COL27A1: variants seen among roughly 807,000 people sequenced by gnomAD.
COL27A1 encodes the protein collagen type XXVII alpha 1 chain, also known as collagen alpha-1(XXVII) chain.
COL27A1 carries 106 observed loss-of-function variants against 251.3 expected under a neutral mutation model. The ratio of observed to expected loss-of-function variants is 0.42; its 90% CI spans 0.36 to 0.50. COL27A1 has a LOEUF of 0.50. COL27A1 is among the 20% of genes least tolerant of loss of function. The pLI is 0.00. For missense variants in COL27A1, 2,325 were observed against 2,522.8 expected (o/e 0.92, Z 1.68); for synonymous variants, 1,000 against 986.3 (o/e 1.01, Z -0.26).
At chr9:114,255,790 A>C (rs974071689) in intron 27 of COL27A1, among the ~76,000 whole-genome samples, 1 of 152,188 alleles carries the variant, frequency 6.6e-6, no homozygotes, top group African/African-American at 2.4e-5. Flanking sequence ...ACACTGGGGA[A>C]GCCGGCTAGC....
At chr9:114,269,535 G>C (rs886781883) in intron 35 of COL27A1, among the ~76,000 whole-genome samples, 1 of 145,878 alleles carries the variant, frequency 6.9e-6, no homozygotes, top group African/African-American at 2.6e-5. Flanking sequence ...GAATCGCTTG[G>C]ACCCAGGAGT....
At chr9:114,219,419 C>T (rs1830930847) in intron 12 of COL27A1, among the ~76,000 whole-genome samples, 1 of 152,196 alleles carries the variant, frequency 6.6e-6, no homozygotes, top group Non-Finnish European at 1.5e-5. Context: ...GAGGCCTTCT[C>T]CTCCTTGACC....
intron 24 of COL27A1, among the ~76,000 whole-genome samples, chr9:114,249,916 A>G (rs953652798): frequency 6.6e-5 from 10 of 152,214 alleles, no homozygotes; most frequent in Non-Finnish European, 8.8e-5. Flanking sequence ...TGAATAAGAA[A>G]TTGATGGGCC....
chr9:114,282,618 A>C, intron 39 of COL27A1, 54 bp downstream of exon 39: 2 of 1,161,844 alleles, frequency 1.7e-6, no homozygotes. Flanking sequence ...GAGGGAACCA[A>C]GGGCAGGAAA....
intron 28 of COL27A1, among the ~76,000 whole-genome samples, chr9:114,259,644 G>A (rs1834177111): frequency 6.6e-6 from 1 of 152,130 alleles, no homozygotes; most frequent in African/African-American, 2.4e-5. Context: ...GGCAGAGCTG[G>A]GATTTGAACC....
chr9:114,187,508 C>CT (rs1371804945), intron 5 of COL27A1, among the ~76,000 whole-genome samples: 1 of 152,268 alleles, frequency 6.6e-6, no homozygotes, highest in Non-Finnish European at 1.5e-5. Context: ...TGCTAAATAA[C>CT]TTGCCCAGTG....
chr9:114,239,118 G>T (rs768575761), intron 19 of COL27A1, among the ~76,000 whole-genome samples: 1 of 152,200 alleles, frequency 6.6e-6, no homozygotes, highest in Admixed American at 6.5e-5. Flanking sequence ...TGATAAGCGC[G>T]TCAGCACCCT....
At chr9:114,243,672 T>A in intron 23 of COL27A1, 112 bp downstream of exon 23, 4 of 845,024 alleles carry the variant, frequency 4.7e-6, no homozygotes, top group Non-Finnish European at 3.7e-6. Flanking sequence ...GAGAAAAAAA[T>A]TGGTTCCTGT....
In COL27A1 at chr9:114,167,948, C is replaced by T. The variant is rs377185109; in HGVS notation, c.393C>T (p.Leu131=). ...KRKLQLGLQF[L]PGKTVVHLGS... is the part of the protein sequence containing the mutation. ...AGCTGCAGCTGGGCCTGCAGTTCCT[C>T]CCCGGCAAGACGGTCGTCCACCTCG... Residue 131 remains leucine, a synonymous_variant, in exon 3 of 61, where the codon CTC becomes CTT. Coordinates refer to ENST00000356083, the MANE Select transcript of COL27A1 (RefSeq NM_032888.4). 11 of 1,609,256 alleles carry T rather than the reference C, an allele frequency of 6.8e-6. No homozygotes were observed. Among genetic ancestry groups the T allele is most frequent in the Non-Finnish European group, 9.3e-6 (11 of 1,179,876 alleles).
At chr9:114,262,180 G>A (rs966651857) in intron 28 of COL27A1, among the ~76,000 whole-genome samples, 5 of 152,184 alleles carry the variant, frequency 3.3e-5, no homozygotes, top group Non-Finnish European at 7.3e-5. Flanking sequence ...CACCCCATGT[G>A]GCTCCAGCTC....
At chr9:114,182,584 G>A (rs76157693) in intron 4 of COL27A1, among the ~76,000 whole-genome samples, 3,329 of 152,196 alleles carry the variant, frequency 0.022, 87 homozygotes, top group East Asian at 0.13. Flanking sequence ...GCTAAGTGTG[G>A]TTTGAGCCTG....
At chr9:114,253,308 A>AAAGAAAGG (rs1645079673) in intron 27 of COL27A1, among the ~76,000 whole-genome samples, 1 of 151,090 alleles carries the variant, frequency 6.6e-6, no homozygotes, top group Admixed American at 6.6e-5. Context: ...AGAAAGAAAG[A>AAAGAAAGG]AAGAAAGAAA....
chr9:114,200,995 C>T (rs965640711), intron 7 of COL27A1, among the ~76,000 whole-genome samples: 18 of 152,182 alleles, frequency 1.2e-4, no homozygotes, highest in Admixed American at 1.0e-3. Context: ...CGGGACCCCT[C>T]CCCTCCCTGC....
chr9:114,301,338 G>T lies in COL27A1; in HGVS notation c.4791+19G>T. The T allele has an allele frequency of 1.2e-6, 2 of 1,613,042 alleles. No individual in the cohort carries two copies. The highest frequency in any genetic ancestry group is 1.7e-6 in the Non-Finnish European group (2 of 1,179,668). On this transcript the variant is annotated intron_variant, in intron 53 of 60. Coordinates refer to ENST00000356083, the MANE Select transcript of COL27A1 (RefSeq NM_032888.4). Reference sequence around the variant, plus strand: ...GGACTGGGTAAGTGGATGGGCTGGGGCTGAGGGATGCAGCACTGCAGGGGC... The same window carrying T: ...GGACTGGGTAAGTGGATGGGCTGGGTCTGAGGGATGCAGCACTGCAGGGGC...
At chr9:114,293,550 C>CA (rs113550290) in intron 49 of COL27A1, among the ~76,000 whole-genome samples, 2,415 of 131,800 alleles carry the variant, frequency 0.018, 30 homozygotes, top group Non-Finnish European at 0.027. Context: ...AAAAATAAAC[C>CA]AAAAAAAAAA....
chr9:114,297,812 C>T (rs942175738), intron 49 of COL27A1, among the ~76,000 whole-genome samples: 5 of 152,010 alleles, frequency 3.3e-5, no homozygotes, highest in African/African-American at 1.2e-4. Flanking sequence ...TTATACTGAA[C>T]AAAATTAGTA....
chr9:114,240,391 A>C (rs1447064830), intron 20 of COL27A1, 43 bp from the exon 21 acceptor site: 6 of 1,605,960 alleles, frequency 3.7e-6, no homozygotes, highest in Non-Finnish European at 5.1e-6. Flanking sequence ...ATGGAGATGG[A>C]GGTACCGCCT....
chr9:114,240,327 A>G, intron 20 of COL27A1, 54 bp downstream of exon 20: 1 of 1,581,720 alleles, frequency 6.3e-7, no homozygotes, highest in Non-Finnish European at 8.6e-7. Context: ...CTCTGCAGAA[A>G]CCACAGGGGC....
chr9:114,215,412 A>G (rs114525360), intron 12 of COL27A1, among the ~76,000 whole-genome samples: 2,227 of 152,252 alleles, frequency 0.015, 29 homozygotes, highest in Middle Eastern at 0.034. Context: ...CCAGATGTGA[A>G]CCAGAGCTGA....
Sources: allele counts gnomAD v4.1 joint callset (sites outside exome capture counted in the v4.1 genomes callset), GRCh38; gene constraint gnomAD v4.1.1; transcripts MANE v1.5; gene names NCBI Gene and HGNC (gene_info 2026-07-23, HGNC 2026-07-21).